The following KCNN3 variants were observed in gnomAD, a reference collection of about 807,000 sequenced individuals.
The protein encoded by KCNN3 is potassium calcium-activated channel subfamily N member 3, also known as small conductance calcium-activated potassium channel protein 3.
Under a neutral mutation model 62.9 loss-of-function variants are expected in KCNN3, and 16 were observed. The ratio of observed to expected loss-of-function variants is 0.25; its 90% CI spans 0.17 to 0.39. KCNN3 has a LOEUF of 0.39. Ranked by LOEUF, KCNN3 falls within the 10% of genes least tolerant of loss-of-function variation. KCNN3 has a pLI of 1.00. For missense variants in KCNN3, 599 were observed against 949.4 expected (o/e 0.63, Z 4.85); for synonymous variants, 370 against 389.2 (o/e 0.95, Z 0.58).
At chr1:154,711,795 C>A (rs1279605469) in intron 7 of KCNN3, among the ~76,000 whole-genome samples, 3 of 152,128 alleles carry the variant, frequency 2.0e-5, no homozygotes, top group African/African-American at 7.2e-5. Context: ...AGTAGGGGGC[C>A]AATTAGTCTT....
chr1:154,822,249 C>T (rs774472909), intron 1 of KCNN3, 65 bp from the exon 2 acceptor site: 63 of 1,232,258 alleles, frequency 5.1e-5, no homozygotes, highest in Non-Finnish European at 6.6e-5. Flanking sequence ...CTTTATTCTG[C>T]GGCTGTGTAA....
intron 3 of KCNN3, among the ~76,000 whole-genome samples, chr1:154,770,110 A>G (rs919955027): frequency 6.6e-6 from 1 of 152,178 alleles, no homozygotes; most frequent in Non-Finnish European, 1.5e-5. Context: ...GAGAAGGCTC[A>G]TGAAGCCCTG....
chr1:154,743,135 A>G (rs1017233529), intron 3 of KCNN3, among the ~76,000 whole-genome samples: 3 of 139,768 alleles, frequency 2.1e-5, no homozygotes, highest in African/African-American at 8.1e-5. Context: ...GTCCAGCCCC[A>G]CCCTCTCACC....
At chr1:154,804,207 A>G (rs1031496133) in intron 2 of KCNN3, among the ~76,000 whole-genome samples, 1 of 152,228 alleles carries the variant, frequency 6.6e-6, no homozygotes, top group African/African-American at 2.4e-5. Context: ...AGGAACTGGG[A>G]TGCCACTGAC....
intron 5 of KCNN3, among the ~76,000 whole-genome samples, chr1:154,721,844 T>G (rs1213865111): frequency 6.6e-6 from 1 of 151,430 alleles, no homozygotes; most frequent in Non-Finnish European, 1.5e-5. Context: ...CTGTGAATCA[T>G]GTACTTAAAT....
At chr1:154,742,281 G>A (rs1557952070) in intron 3 of KCNN3, among the ~76,000 whole-genome samples, 1 of 152,178 alleles carries the variant, frequency 6.6e-6, no homozygotes, top group Non-Finnish European at 1.5e-5. Context: ...TCCCACACGT[G>A]GCATCAGCAC....
intron 2 of KCNN3, among the ~76,000 whole-genome samples, chr1:154,796,601 A>C (rs1253877194): frequency 1.3e-5 from 2 of 152,234 alleles, no homozygotes; most frequent in Non-Finnish European, 2.9e-5. Context: ...TGAACTAGTT[A>C]CAAATTTGTG....
chr1:154,747,301 C>T (rs1700959406), intron 3 of KCNN3, among the ~76,000 whole-genome samples: 2 of 152,168 alleles, frequency 1.3e-5, no homozygotes, highest in Admixed American at 6.5e-5. Flanking sequence ...CCTCAAATCC[C>T]CCTTCCACAC....
At chr1:154,783,917 T>G (rs545278865) in intron 2 of KCNN3, among the ~76,000 whole-genome samples, 8 of 152,282 alleles carry the variant, frequency 5.3e-5, no homozygotes, top group Non-Finnish European at 8.8e-5. Context: ...CCTAGAGGCC[T>G]TGGTCATGGG....
At chr1:154,740,351 T>C (rs1571227742) in intron 3 of KCNN3, among the ~76,000 whole-genome samples, 1 of 152,192 alleles carries the variant, frequency 6.6e-6, no homozygotes, top group Non-Finnish European at 1.5e-5. Context: ...GGCACAATCA[T>C]AGCTTACTGT....
At chr1:154,718,183 G>A (rs1203814634) in intron 5 of KCNN3, among the ~76,000 whole-genome samples, 2 of 152,224 alleles carry the variant, frequency 1.3e-5, no homozygotes, top group African/African-American at 4.8e-5. Flanking sequence ...ATGGTTAGGA[G>A]AGGACCCTTT....
intron 5 of KCNN3, among the ~76,000 whole-genome samples, chr1:154,718,215 CT>C (rs1226661468): frequency 6.6e-6 from 1 of 152,178 alleles, no homozygotes; most frequent in Non-Finnish European, 1.5e-5. Flanking sequence ...TCCAGCTGTC[CT>C]GCCTCCAAAA....
At chr1:154,836,355 C>T (rs1003600994) in intron 1 of KCNN3, among the ~76,000 whole-genome samples, 5 of 152,194 alleles carry the variant, frequency 3.3e-5, no homozygotes, top group Non-Finnish European at 7.3e-5. Context: ...TCCTGCCCCC[C>T]GTCTATTTTG....
intron 5 of KCNN3, among the ~76,000 whole-genome samples, chr1:154,722,878 T>C (rs998729103): frequency 1.3e-5 from 2 of 152,026 alleles, no homozygotes; most frequent in Non-Finnish European, 2.9e-5. Context: ...ATTACAGGTG[T>C]GTGCCACCAC....
At chr1:154,715,366 GC>G (rs1700212185) in intron 5 of KCNN3, among the ~76,000 whole-genome samples, 1 of 146,860 alleles carries the variant, frequency 6.8e-6, no homozygotes, top group African/African-American at 2.5e-5. Flanking sequence ...AACCTGGGAG[GC>G]AGAGGTTGCT....
At chr1:154,720,038 T>G (rs1405575228) in intron 5 of KCNN3, among the ~76,000 whole-genome samples, 1 of 152,246 alleles carries the variant, frequency 6.6e-6, no homozygotes, top group Non-Finnish European at 1.5e-5. Flanking sequence ...ATGCTATTTA[T>G]GTGATACTCA....
At chr1:154,750,924 A>C (rs1647348168) in intron 3 of KCNN3, among the ~76,000 whole-genome samples, 2 of 152,240 alleles carry the variant, frequency 1.3e-5, no homozygotes, top group African/African-American at 4.8e-5. Context: ...AGGCCTGGGC[A>C]GCAGGGGCCT....
Position 154,702,580 on chromosome 1 carries a change from A to T in KCNN3, c.*5396T>A, listed in dbSNP as rs576220255. The T allele has an allele frequency of 2.7e-5, 4 of 150,910 alleles. No individual in the cohort carries two copies. The highest frequency in any genetic ancestry group is 2.0e-4 in the Admixed American group (3 of 15,094). 9.3% of individuals were successfully genotyped at this position (150,910 alleles called of 1,614,324 possible). A position where few individuals can be genotyped will look rare whatever the true frequency, so the allele number is the denominator to read the frequency against. On this transcript the variant is annotated 3_prime_UTR_variant, in exon 8 of 8. Coordinates refer to ENST00000271915, the MANE Select transcript of KCNN3 (RefSeq NM_002249.6). ...GCGCCATTAAAAAACGTATCTGATG[A>T]AGGTGGATCAGTCCTGGTTGAGATT...
At chr1:154,852,682 G>A (rs1652353825) in intron 1 of KCNN3, among the ~76,000 whole-genome samples, 1 of 152,120 alleles carries the variant, frequency 6.6e-6, no homozygotes, top group African/African-American at 2.4e-5. Flanking sequence ...TGTATTGCTT[G>A]CACATTCAAA....
Sources: allele counts gnomAD v4.1 joint callset (sites outside exome capture counted in the v4.1 genomes callset), GRCh38; gene constraint gnomAD v4.1.1; transcripts MANE v1.5; gene names NCBI Gene and HGNC (gene_info 2026-07-23, HGNC 2026-07-21).